Variants in MCC observed in about 807,000 individuals in gnomAD.
The protein encoded by MCC is MCC regulator of Wnt signaling pathway.
Under a neutral mutation model 116.2 loss-of-function variants are expected in MCC, and 90 were observed. The observed-to-expected ratio is 0.77, with a 90% CI of 0.65 to 0.92. The LOEUF is 0.92. MCC is among the 40% of genes least tolerant of loss of function. The pLI is 0.00. For synonymous variants in MCC, 578 were observed against 510.5 expected (o/e 1.13, Z -1.78); for missense variants, 1,516 against 1,312.2 (o/e 1.16, Z -2.40).
At chr5:113,141,514 T>C (rs1417617022) in intron 5 of MCC, among the ~76,000 whole-genome samples, 1 of 152,218 alleles carries the variant, frequency 6.6e-6, no homozygotes, top group Non-Finnish European at 1.5e-5. Context: ...CCAAACCAAT[T>C]TGCTGGAGTG....
Position 113,385,032 on chromosome 5 carries a change from G to C in MCC, c.351C>G (p.Asn117Lys). 1.2e-6 allele frequency: 2 copies of C among 1,614,212 alleles called. No homozygotes were observed. The highest frequency in any genetic ancestry group is 1.7e-6 in the Non-Finnish European group (2 of 1,180,022). The change falls in exon 2 of 19, where the codon AAC (asparagine) becomes AAG (lysine). Residue 117 changes from asparagine (N) to lysine (K), a missense_variant. By Grantham distance (94) the Asn-to-Lys change is moderately conservative. Coordinates refer to ENST00000408903, the MANE Select transcript of MCC (RefSeq NM_001085377.2). ...EEVDLSAKSD[N>K]SCTKKLRDRI... ...TATCCCTCAGCTTCTTTGTACAGGAGTTGTCTGACTTTGCAGAAAGATCTA... is the reference window on the plus strand; with the variant it reads ...TATCCCTCAGCTTCTTTGTACAGGACTTGTCTGACTTTGCAGAAAGATCTA...
At chr5:113,187,063 T>C (rs187194617) in intron 3 of MCC, among the ~76,000 whole-genome samples, 1 of 152,208 alleles carries the variant, frequency 6.6e-6, no homozygotes, top group Non-Finnish European at 1.5e-5. Context: ...ACAGGATACT[T>C]TGAGGCTCCT....
At chr5:113,381,694 AG>A (rs1243852532) in intron 2 of MCC, among the ~76,000 whole-genome samples, 1 of 152,188 alleles carries the variant, frequency 6.6e-6, no homozygotes, top group Non-Finnish European at 1.5e-5. Flanking sequence ...AAGCTGAGAC[AG>A]GAGGATCACT....
intron 8 of MCC, among the ~76,000 whole-genome samples, chr5:113,098,473 T>G (rs1373486208): frequency 6.6e-6 from 1 of 152,238 alleles, no homozygotes; most frequent in Non-Finnish European, 1.5e-5. Flanking sequence ...AAGTAATTCC[T>G]TTACAGAGTA....
chr5:113,477,278 A>G (rs1276211467), intron 1 of MCC, among the ~76,000 whole-genome samples: 1 of 152,198 alleles, frequency 6.6e-6, no homozygotes, highest in African/African-American at 2.4e-5. Flanking sequence ...CATTTCTGTA[A>G]ATGTTATTTT....
At chr5:113,462,679 A>G (rs1771776205) in intron 1 of MCC, among the ~76,000 whole-genome samples, 1 of 152,086 alleles carries the variant, frequency 6.6e-6, no homozygotes, top group Non-Finnish European at 1.5e-5. Context: ...ATGAAAATAC[A>G]CTGCTTCTGC....
At chr5:113,290,419 T>G (rs1342822179) in intron 3 of MCC, among the ~76,000 whole-genome samples, 1 of 152,214 alleles carries the variant, frequency 6.6e-6, no homozygotes, top group Non-Finnish European at 1.5e-5. Flanking sequence ...GTAAGAATAT[T>G]TTTTCATCTC....
intron 2 of MCC, among the ~76,000 whole-genome samples, chr5:113,351,083 G>C (rs570435588): frequency 4.6e-5 from 7 of 152,028 alleles, no homozygotes; most frequent in African/African-American, 7.2e-5. Flanking sequence ...ATACACTGTT[G>C]GTGGGAATGT....
intron 3 of MCC, among the ~76,000 whole-genome samples, chr5:113,227,085 C>T (rs537882657): frequency 1.2e-4 from 18 of 152,220 alleles, no homozygotes; most frequent in African/African-American, 4.3e-4. Flanking sequence ...TTTACTTTTT[C>T]GATGTGATAT....
Position 113,083,834 on chromosome 5 carries a change from C to G in MCC, c.1635+267G>C, listed in dbSNP as rs1755025464. Among the ~76,000 whole-genome samples the G allele has an allele frequency of 3.3e-5, 5 of 151,898 alleles. No individual in the cohort carries two copies. The South Asian group carries it at 1.0e-3, about 32-fold the overall frequency. ...ACTTCAAGACTTTCATCTATATCAC[C>G]AAGAACTGGACCTAAATCATTTGTT... is the stretch of plus-strand genomic sequence containing the variant. On this transcript the variant is annotated intron_variant, in intron 10 of 18. Transcript: ENST00000408903.
intron 1 of MCC, among the ~76,000 whole-genome samples, chr5:113,457,412 T>G (rs2150423451): frequency 6.6e-6 from 1 of 152,326 alleles, no homozygotes; most frequent in South Asian, 2.1e-4. Context: ...CAGCCTGCCA[T>G]GCCTGAGCCT....
At chr5:113,329,374 CTA>C (rs535810602) in intron 3 of MCC, among the ~76,000 whole-genome samples, 207 of 108,278 alleles carry the variant, frequency 1.9e-3, no homozygotes, top group Middle Eastern at 3.8e-3. Context: ...GGTGAATAAA[CTA>C]TATATATACA....
intron 14 of MCC, among the ~76,000 whole-genome samples, chr5:113,056,347 G>C (rs1580943346): frequency 6.6e-6 from 1 of 152,172 alleles, no homozygotes; most frequent in African/African-American, 2.4e-5. Flanking sequence ...TGGTAGACTA[G>C]ATAGAGAAAA....
intron 3 of MCC, among the ~76,000 whole-genome samples, chr5:113,243,897 C>T (rs1764476746): frequency 6.6e-6 from 1 of 152,216 alleles, no homozygotes; most frequent in Non-Finnish European, 1.5e-5. Context: ...CTGCTAACAC[C>T]CTTCCTCTGC....
At chr5:113,294,358 C>G in intron 3 of MCC, 1 of 1,613,720 alleles carries the variant, frequency 6.2e-7, no homozygotes. Context: ...GAGTCGTTTC[C>G]ATATTTCATG....
chr5:113,445,262 T>C (rs892583972), intron 1 of MCC, among the ~76,000 whole-genome samples: 2 of 151,990 alleles, frequency 1.3e-5, no homozygotes, highest in African/African-American at 4.8e-5. Flanking sequence ...GCAAGAGAAA[T>C]AAGTAAAAGG....
intron 5 of MCC, among the ~76,000 whole-genome samples, chr5:113,124,410 C>T (rs891667338): frequency 6.6e-6 from 1 of 152,150 alleles, no homozygotes; most frequent in African/African-American, 2.4e-5. Context: ...AATAAATTAC[C>T]TTTGTTGCAT....
intron 17 of MCC, among the ~76,000 whole-genome samples, chr5:113,034,711 C>T (rs1324640535): frequency 1.3e-5 from 2 of 152,332 alleles, no homozygotes; most frequent in East Asian, 3.9e-4. Context: ...TTACTTTTAA[C>T]CCGTCAGGCT....
intron 3 of MCC, among the ~76,000 whole-genome samples, chr5:113,266,164 T>G (rs1765409453): frequency 6.6e-6 from 1 of 152,132 alleles, no homozygotes; most frequent in Non-Finnish European, 1.5e-5. Context: ...AACTATATTA[T>G]TTTGGTCCTG....
Sources: allele counts gnomAD v4.1 joint callset (sites outside exome capture counted in the v4.1 genomes callset), GRCh38; gene constraint gnomAD v4.1.1; transcripts MANE v1.5; gene names NCBI Gene and HGNC (gene_info 2026-07-23, HGNC 2026-07-21).